Variants in MAP2K4 observed in about 807,000 individuals in gnomAD.
The protein encoded by MAP2K4 is dual specificity mitogen-activated protein kinase kinase 4.
Under a neutral mutation model 48.5 loss-of-function variants are expected in MAP2K4, and 4 were observed. The ratio of observed to expected loss-of-function variants is 0.08; its 90% CI spans 0.04 to 0.19. The LOEUF (loss-of-function observed/expected upper bound fraction) is 0.19, where lower values mean the gene tolerates loss of function less well. MAP2K4 is among the 10% of genes least tolerant of loss of function. MAP2K4 has a pLI of 1.00. For missense variants in MAP2K4, 258 were observed against 493.3 expected (o/e 0.52, Z 4.52); for synonymous variants, 166 against 173.1 (o/e 0.96, Z 0.32).
chr17:12,050,316 T>C (rs1970099983), intron 1 of MAP2K4, among the ~76,000 whole-genome samples: 1 of 152,192 alleles, frequency 6.6e-6, no homozygotes. Flanking sequence ...GGTACTGTTA[T>C]AGGTGATTTG....
chr17:12,088,695 G>A lies in MAP2K4; in HGVS notation c.394-6880G>A, dbSNP rs569130904. Among the ~76,000 whole-genome samples, 8 of 147,882 alleles carry A rather than the reference G, an allele frequency of 5.4e-5. 1 individual carries two copies. The East Asian group carries it at 1.4e-3, about 25-fold the overall frequency. ...TGCTATATCACTCTTTATTTTCTGT[G>A]GAGAGGAGGTCCCATGTGCTGTGTT... On this transcript the variant is annotated intron_variant, in intron 3 of 10. Coordinates refer to ENST00000353533, the MANE Select transcript of MAP2K4 (RefSeq NM_003010.4).
chr17:12,101,348 A>G (rs1241933738), intron 4 of MAP2K4, among the ~76,000 whole-genome samples: 2 of 151,828 alleles, frequency 1.3e-5, no homozygotes, highest in Non-Finnish European at 2.9e-5. Flanking sequence ...GCTCTGTTCC[A>G]TTGATCTGTT....
intron 8 of MAP2K4, among the ~76,000 whole-genome samples, chr17:12,127,734 A>G (rs1972896537): frequency 6.6e-6 from 1 of 152,266 alleles, no homozygotes; most frequent in South Asian, 2.1e-4. Context: ...GTGAATAACC[A>G]GGAAGGTTTA....
intron 6 of MAP2K4, among the ~76,000 whole-genome samples, chr17:12,111,131 C>T (rs544900793): frequency 4.6e-5 from 7 of 152,080 alleles, no homozygotes; most frequent in Admixed American, 6.5e-5. Flanking sequence ...AAATTTGTAA[C>T]GGAAAAACCT....
chr17:12,058,593 G>GA (rs1970356228), intron 2 of MAP2K4, among the ~76,000 whole-genome samples: 1 of 152,306 alleles, frequency 6.6e-6, no homozygotes, highest in African/African-American at 2.4e-5. Context: ...AGTGGTAGAT[G>GA]AATCTGTCTT....
chr17:12,106,157 C>T (rs1296622453), intron 4 of MAP2K4, among the ~76,000 whole-genome samples: 1 of 151,774 alleles, frequency 6.6e-6, no homozygotes, highest in East Asian at 1.9e-4. Flanking sequence ...TTGTTTCTTT[C>T]TACTGTTTTT....
chr17:12,022,789 C>G (rs142320838), intron 1 of MAP2K4, among the ~76,000 whole-genome samples: 43 of 152,304 alleles, frequency 2.8e-4, no homozygotes, highest in Middle Eastern at 3.4e-3. Flanking sequence ...ATAAAGGTAA[C>G]AAGCTGGGTT....
chr17:12,139,083 A>G (rs1052924905), intron 9 of MAP2K4, among the ~76,000 whole-genome samples: 3 of 152,216 alleles, frequency 2.0e-5, no homozygotes, highest in South Asian at 2.1e-4. Context: ...GAAAACAGCA[A>G]TGAGTTTAGA....
rs149137325 is a variant in MAP2K4, at chr17:12,123,496, T to G, written c.814-1798T>G. 1.2e-3 allele frequency among the ~76,000 whole-genome samples: 179 copies of G among 152,302 alleles called. 1 individual carries two copies. Among genetic ancestry groups the G allele is most frequent in the African/African-American group, 4.0e-3 (167 of 41,580 alleles). On this transcript the variant is annotated intron_variant, in intron 7 of 10. Coordinates refer to ENST00000353533, the MANE Select transcript of MAP2K4 (RefSeq NM_003010.4). ...TCTTTTCAAAGTACTGTTGGTTTTC[T>G]TGACTTTTCTCTATTGTTTTTCTAT...
intron 2 of MAP2K4, among the ~76,000 whole-genome samples, chr17:12,062,769 A>G (rs1463696647): frequency 6.6e-6 from 1 of 152,172 alleles, no homozygotes. Flanking sequence ...TTAAAAGGTT[A>G]GATGTGACTT....
intron 3 of MAP2K4, among the ~76,000 whole-genome samples, chr17:12,091,121 G>A (rs1417258723): frequency 6.6e-6 from 1 of 152,260 alleles, no homozygotes. Context: ...CATTTACATT[G>A]TTCTTCAGTA....
chr17:12,125,423 T>C, intron 8 of MAP2K4, 52 bp downstream of exon 8: 1 of 1,468,202 alleles, frequency 6.8e-7, no homozygotes, highest in South Asian at 1.1e-5. Flanking sequence ...ATAAGAAATT[T>C]AGAAGTGAAA....
At chr17:12,029,181 T>C (rs936956151) in intron 1 of MAP2K4, among the ~76,000 whole-genome samples, 2 of 151,958 alleles carry the variant, frequency 1.3e-5, no homozygotes, top group African/African-American at 4.8e-5. Context: ...AGGGTGAGAA[T>C]GAGGGGCAAA....
intron 2 of MAP2K4, among the ~76,000 whole-genome samples, chr17:12,068,945 A>G (rs1478795440): frequency 1.3e-5 from 2 of 152,170 alleles, no homozygotes; most frequent in Non-Finnish European, 2.9e-5. Context: ...GTGAGAATGT[A>G]TTTTGATGAG....
chr17:12,040,028 T>C (rs2151515555), intron 1 of MAP2K4, among the ~76,000 whole-genome samples: 1 of 152,300 alleles, frequency 6.6e-6, no homozygotes, highest in South Asian at 2.1e-4. Context: ...TCACATCACA[T>C]CCAGGTGTGT....
intron 7 of MAP2K4, among the ~76,000 whole-genome samples, chr17:12,118,833 G>T (rs1237828334): frequency 6.6e-6 from 1 of 152,196 alleles, no homozygotes; most frequent in African/African-American, 2.4e-5. Flanking sequence ...ACACAGTCAT[G>T]CCTGCTTGGC....
chr17:12,032,239 A>T (rs1597395162), intron 1 of MAP2K4: 1 of 1,360,562 alleles, frequency 7.3e-7, no homozygotes, highest in South Asian at 1.6e-5. Context: ...ACAGTAAATG[A>T]ACTGGAACTT....
chr17:12,110,513 G>A, intron 6 of MAP2K4, 87 bp downstream of exon 6: 1 of 908,522 alleles, frequency 1.1e-6, no homozygotes. Flanking sequence ...CAGTGTCACT[G>A]TATAAACTTT....
intron 7 of MAP2K4, among the ~76,000 whole-genome samples, chr17:12,123,637 G>C (rs369902274): frequency 1.4e-4 from 21 of 151,724 alleles, no homozygotes; most frequent in African/African-American, 5.1e-4. Context: ...TTTGATTTGA[G>C]ATGTCTTCTC....
Sources: gnomAD v4.1 joint callset for allele counts (sites outside exome capture counted in the v4.1 genomes callset) on GRCh38, gnomAD v4.1.1 for gene constraint, MANE v1.5 for transcripts, NCBI Gene and HGNC (gene_info 2026-07-23, HGNC 2026-07-21) for gene names.